Variants in MUC5B observed in about 807,000 individuals in gnomAD.
MUC5B encodes the protein mucin 5B, oligomeric mucus/gel-forming, also known as mucin-5B.
A neutral mutation model predicts 376.9 loss-of-function variants in MUC5B; 116 were observed. That is an observed-to-expected ratio of 0.31 (90% CI 0.26 to 0.36). The LOEUF (loss-of-function observed/expected upper bound fraction) is 0.36, where lower values mean the gene tolerates loss of function less well. Among genes scored for constraint, MUC5B ranks in the 10% least tolerant of loss-of-function variants. The pLI is 1.00. For synonymous variants in MUC5B, 3,517 were observed against 3,390.9 expected, an observed-to-expected ratio of 1.04 and a Z score of -1.29; for missense variants, 7,165 against 7,769.9, an observed-to-expected ratio of 0.92 and a Z score of 2.93.
chr11:1,242,569 C>T lies in MUC5B; in HGVS notation c.5689C>T (p.Pro1897Ser). Residue 1897 changes from proline to serine, a missense_variant, in exon 31 of 49, where the codon CCC becomes TCC. By Grantham distance (74) the Pro-to-Ser change is moderately conservative. Coordinates refer to ENST00000529681, the MANE Select transcript of MUC5B (RefSeq NM_002458.3). ...STPATSSTATPSSTPGTTWIL... is the reference protein window; with the variant it reads ...STPATSSTATSSSTPGTTWIL... ...CCCAGCCACCAGCTCCACGGCCACG[C>T]CCTCCTCAACTCCGGGGACGACCTG... 6.2e-7 allele frequency: 1 copy of T among 1,613,724 alleles called. No homozygotes were observed. Among genetic ancestry groups the T allele is most frequent in the Non-Finnish European group, 8.5e-7 (1 of 1,179,800 alleles).
Position 1,257,393 on chromosome 11 carries a change from G to C in MUC5B, c.16269+122G>C. 3 of 1,047,478 alleles carry C rather than the reference G, an allele frequency of 2.9e-6. No individual in the cohort carries two copies. The South Asian group carries it at 4.0e-5, about 14-fold the overall frequency. 64.9% of individuals were successfully genotyped at this position (1,047,478 alleles called of 1,614,324 possible). A position where few individuals can be genotyped will look rare whatever the true frequency, so the allele number is the denominator to read the frequency against. The stretch of plus-strand genomic sequence containing the variant: ...GCCCGAGTGTGACGTGGACGTGCCA[G>C]TGGCTGGTGTGCGCTTCCTGCCCCA... On this transcript the variant is annotated intron_variant, in intron 40 of 48. Coordinates refer to ENST00000529681, the MANE Select transcript of MUC5B (RefSeq NM_002458.3). This position sits in a 1 kb window ranked among gnomAD's most constrained non-coding sequence, Gnocchi z 8.9.
rs757927317 is a variant in MUC5B, at chr11:1,261,565, C to T, written c.17246C>T (p.Pro5749Leu). The T allele has an allele frequency of 3.1e-6, 5 of 1,608,526 alleles. No individual in the cohort carries two copies. The highest frequency in any genetic ancestry group is 2.2e-5 in the East Asian group (1 of 44,686). The part of the protein sequence containing the change: ...PFCVPAPMAP[P>L]HTRGFPAQEA... ...TGTGTCCCTGCGCCCATGGCTCCCC[C>T]ACACACCCGTGGCTTCCCGGCCCAG... Residue 5749 changes from proline to leucine, a missense_variant, in exon 49 of 49, where the codon CCA (proline) becomes CTA (leucine). Physicochemically the swap from Pro to Leu is moderately conservative, Grantham distance 98. Coordinates refer to ENST00000529681, the MANE Select transcript of MUC5B (RefSeq NM_002458.3).
chr11:1,261,908 G>T lies in MUC5B; in HGVS notation c.*300G>T. 1 of 631,876 alleles carries T rather than the reference G, an allele frequency of 1.6e-6. No homozygotes were observed. Among genetic ancestry groups the T allele is most frequent in the South Asian group, 1.5e-5 (1 of 66,042 alleles). 39.1% of individuals were successfully genotyped at this position (631,876 alleles called of 1,614,324 possible). ...CCTGGAACAAACTAAGCATGTGCGGGCCTATGTGTCCCTGCCACGGCCGGA... is the reference window on the plus strand; with the variant it reads ...CCTGGAACAAACTAAGCATGTGCGGTCCTATGTGTCCCTGCCACGGCCGGA... On this transcript the variant is annotated 3_prime_UTR_variant, in exon 49 of 49. Transcript: ENST00000529681.
chr11:1,246,750 CGGCTCTGTG>C lies in MUC5B; in HGVS notation c.9872_9880del (p.Gly3291_Val3293del). On this transcript the variant is annotated inframe_deletion, in exon 31 of 49. Transcript: ENST00000529681. ...CCACGACCACCACAACCAGGGCCAC[CGGCTCTGTG>C]GCCACCCCCTCCTCCACCCCAGGAA... 6.2e-7 allele frequency: 1 copy of C among 1,609,612 alleles called. No homozygotes were observed. The highest frequency in any genetic ancestry group is 1.1e-5 in the South Asian group (1 of 90,908).
chr11:1,241,449 T>A lies in MUC5B; in HGVS notation c.4569T>A (p.Leu1523=). 3 of 1,613,262 alleles carry A rather than the reference T, an allele frequency of 1.9e-6. No individual in the cohort carries two copies. Among genetic ancestry groups the A allele is most frequent in the Middle Eastern group, 1.7e-4 (1 of 6,060 alleles). The change falls in exon 31 of 49, where the codon CTT becomes CTA. Residue 1523 remains leucine (L), a synonymous_variant. Transcript: ENST00000529681. ...FDEDYPKSEQ[L]GGDVESYDKI... is the part of the protein sequence containing the mutation. Reference sequence around the variant, plus strand: ...AGGACTACCCCAAGTCTGAACAACTTGGAGGGGACGTTGAGTCCTACGATA... The same window carrying A: ...AGGACTACCCCAAGTCTGAACAACTAGGAGGGGACGTTGAGTCCTACGATA...
rs1175191320 is a variant in MUC5B, at chr11:1,249,768, C to T, written c.12888C>T (p.Ala4296=). ...CACCCACAGCCACCAGTTCCAAAGC[C>T]ACTTCCTCCTCCAGTCCAAGGACTG... is the stretch of plus-strand genomic sequence containing the variant. ...ATTPTATSSK[A]TSSSSPRTAT... is the part of the protein sequence containing the mutation. The change falls in exon 31 of 49, where the codon GCC becomes GCT. Residue 4296 remains alanine (A), a synonymous_variant. Coordinates refer to ENST00000529681, the MANE Select transcript of MUC5B (RefSeq NM_002458.3). The T allele has an allele frequency of 3.1e-6, 5 of 1,613,122 alleles. No individual in the cohort carries two copies. The highest frequency in any genetic ancestry group is 2.7e-5 in the African/African-American group (2 of 74,884).
In MUC5B at chr11:1,241,537, A is replaced by G; in HGVS notation, c.4657A>G (p.Ser1553Gly). ...TAAGGACATAGAGTGCCAGGCCGAG[A>G]GCTTCCCCAACTGGACCCTGGCACA... ...QPKDIECQAESFPNWTLAQVG... is the reference protein window; with the variant it reads ...QPKDIECQAEGFPNWTLAQVG... Residue 1553 changes from serine to glycine, a missense_variant, in exon 31 of 49, where the codon AGC becomes GGC. Physicochemically the swap from Ser to Gly is moderately conservative, Grantham distance 56. Coordinates refer to ENST00000529681, the MANE Select transcript of MUC5B (RefSeq NM_002458.3). 1 of 1,612,846 alleles carries G rather than the reference A, an allele frequency of 6.2e-7. No individual in the cohort carries two copies. Among genetic ancestry groups the G allele is most frequent in the Non-Finnish European group, 8.5e-7 (1 of 1,179,560 alleles).
chr11:1,251,467 T>C lies in MUC5B; in HGVS notation c.14587T>C (p.Ser4863Pro). The change falls in exon 31 of 49, where the codon TCC becomes CCC. Residue 4863 changes from serine (S) to proline (P), a missense_variant. By Grantham distance (74) the Ser-to-Pro change is moderately conservative (BLOSUM62 -1). Coordinates refer to ENST00000529681, the MANE Select transcript of MUC5B (RefSeq NM_002458.3). Reference protein sequence around the residue: ...TIATVMVPTGSTATASSTLGT... With the variant: ...TIATVMVPTGPTATASSTLGT... ...AGCCACCGTGATGGTGCCCACCGGT[T>C]CCACGGCCACCGCCTCCTCCACTCT... 1.2e-6 allele frequency: 2 copies of C among 1,612,126 alleles called. No individual in the cohort carries two copies. The highest frequency in any genetic ancestry group is 1.7e-6 in the Non-Finnish European group (2 of 1,179,058).
Position 1,245,278 on chromosome 11 carries a change from G to A in MUC5B, c.8398G>A (p.Gly2800Ser), listed in dbSNP as rs371403707. 6.0e-5 allele frequency: 95 copies of A among 1,591,314 alleles called. No homozygotes were observed. The highest frequency in any genetic ancestry group is 1.9e-4 in the African/African-American group (14 of 71,870). Residue 2800 changes from glycine to serine, a missense_variant, in exon 31 of 49, where the codon GGT (glycine) becomes AGT (serine). Physicochemically the swap from Gly to Ser is moderately conservative, Grantham distance 56. Coordinates refer to ENST00000529681, the MANE Select transcript of MUC5B (RefSeq NM_002458.3). ...TTCCCACACCCCAGCAGCAACCACC[G>A]GTACCACCCAGCACTCGACTCCAGC... ...GTSHTPAATT[G>S]TTQHSTPALS...
Position 1,252,603 on chromosome 11 carries a change from T to C in MUC5B, c.15045+79T>C, listed in dbSNP as rs2249073. ...GCTGGAGGCACAGCCACAGTCCAGC[T>C]CCCGAGGCCCGTCTCAGTGACCCCG... is the stretch of plus-strand genomic sequence containing the variant. On this transcript the variant is annotated intron_variant, in intron 32 of 48. Transcript: ENST00000529681. 0.51 allele frequency: 729,863 copies of C among 1,423,596 alleles called. 188,713 individuals are homozygous for C. Among genetic ancestry groups the C allele is most frequent in the East Asian group, 0.7 (28,121 of 39,988 alleles). 88.2% of individuals were successfully genotyped at this position (1,423,596 alleles called of 1,614,324 possible).
Position 1,246,835 on chromosome 11 carries a change from A to G in MUC5B, c.9955A>G (p.Thr3319Ala). 1 of 1,609,390 alleles carries G rather than the reference A, an allele frequency of 6.2e-7. No individual in the cohort carries two copies. The stretch of plus-strand genomic sequence containing the variant: ...TACCACAACCACGGGCTTCACAGCC[A>G]CCCCCTCCTCCAGCCCAGGGACGGC... ...PTTTTTGFTA[T>A]PSSSPGTALT... The change falls in exon 31 of 49, where the codon ACC (threonine) becomes GCC (alanine). Residue 3319 changes from threonine to alanine, a missense_variant. Thr to Ala is a moderately conservative substitution (Grantham distance 58). Coordinates refer to ENST00000529681, the MANE Select transcript of MUC5B (RefSeq NM_002458.3).
rs1862302407 is a variant in MUC5B, at chr11:1,242,157, G to C, written c.5277G>C (p.Glu1759Asp). 1 of 1,613,494 alleles carries C rather than the reference G, an allele frequency of 6.2e-7. No individual in the cohort carries two copies. Among genetic ancestry groups the C allele is most frequent in the Non-Finnish European group, 8.5e-7 (1 of 1,179,886 alleles). ...GCGAGCTGTCCACCTCTCAGGCCGA[G>C]ACCAGCACGCCCAGGACAGAGACGA... ...LTSELSTSQAETSTPRTETTM... is the reference protein window; with the variant it reads ...LTSELSTSQADTSTPRTETTM... Residue 1759 changes from glutamate to aspartate, a missense_variant, in exon 31 of 49, where the codon GAG (glutamate) becomes GAC (aspartate). Around this residue, in one of 31 missense-constraint regions of MUC5B, gnomAD observed 897 missense variants for 779.6 expected, o/e 1.15. Coordinates refer to ENST00000529681, the MANE Select transcript of MUC5B (RefSeq NM_002458.3).
In MUC5B at chr11:1,244,122, C is replaced by T. The variant is rs1862378960; in HGVS notation, c.7242C>T (p.Cys2414=). 4 of 1,611,020 alleles carry T rather than the reference C, an allele frequency of 2.5e-6. No individual in the cohort carries two copies. The African/African-American group carries it at 5.4e-5, about 22-fold the overall frequency. The part of the protein sequence containing the change: ...IRVFCCNYGH[C]PSTPATSSTA... Reference sequence around the variant, plus strand: ...TGTTCTGCTGCAACTACGGCCACTGCCCCAGCACCCCGGCCACCAGCTCTA... The same window carrying T: ...TGTTCTGCTGCAACTACGGCCACTGTCCCAGCACCCCGGCCACCAGCTCTA... Residue 2414 remains cysteine, a synonymous_variant, in exon 31 of 49, where the codon TGC becomes TGT. Coordinates refer to ENST00000529681, the MANE Select transcript of MUC5B (RefSeq NM_002458.3).
chr11:1,241,696 C>T lies in MUC5B; in HGVS notation c.4816C>T (p.Arg1606Cys), dbSNP rs775734730. ...CTGCAGTGACGACCACTGCAGGGGA[C>T]GTGCCACAACCCCGCCACCGACCAC... ...LCCSDDHCRG[R>C]ATTPPPTTEL... The change falls in exon 31 of 49, where the codon CGT becomes TGT. Residue 1606 changes from arginine to cysteine, a missense_variant. Arg to Cys is a radical substitution (Grantham distance 180, BLOSUM62 -3). Around this residue, in one of 31 missense-constraint regions of MUC5B, gnomAD observed 897 missense variants for 779.6 expected, o/e 1.15. Coordinates refer to ENST00000529681, the MANE Select transcript of MUC5B (RefSeq NM_002458.3). 101 of 1,612,070 alleles carry T rather than the reference C, an allele frequency of 6.3e-5. No individual in the cohort carries two copies. In the East Asian group the frequency reaches 1.7e-3, roughly 27 times the overall value.
intron 3 of MUC5B, 156 bp from the exon 4 acceptor site, chr11:1,226,459 G>T: frequency 1.5e-6 from 2 of 1,290,878 alleles, no homozygotes; most frequent in Admixed American, 2.0e-5. Context: ...AGGGGTCTTG[G>T]AGCAAAACAG....
Position 1,253,969 on chromosome 11 carries a change from G to C in MUC5B, c.15218-123G>C. On this transcript the variant is annotated intron_variant, in intron 33 of 48. Coordinates refer to ENST00000529681, the MANE Select transcript of MUC5B (RefSeq NM_002458.3). The surrounding 1 kb of genome is among the most constrained non-coding windows in gnomAD (Gnocchi z 4.3). ...CCATTTTTATAGACGAGGCAGCTGA[G>C]GCCCCAGGGGCTTCAGTGGCTCCCC... 1 of 1,356,128 alleles carries C rather than the reference G, an allele frequency of 7.4e-7. No individual in the cohort carries two copies. The highest frequency in any genetic ancestry group is 1.4e-5 in the African/African-American group (1 of 69,166). The allele number at this position is 1,356,128 out of a possible 1,614,324, so 84.0% of individuals were successfully genotyped here.
At chr11:1,230,833 G>C in intron 12 of MUC5B, 103 bp from the exon 13 acceptor site, 3 of 1,354,106 alleles carry the variant, frequency 2.2e-6, no homozygotes, top group Non-Finnish European at 3.1e-6. Flanking sequence ...CTTCTCTGTG[G>C]GCTCTGTCCC....
At chr11:1,225,564 G>A (rs557021270) in intron 1 of MUC5B, 117 bp from the exon 2 acceptor site, 257 of 898,190 alleles carry the variant, frequency 2.9e-4, no homozygotes, top group Non-Finnish European at 4.1e-4. Context: ...CATGGAGACC[G>A]CCACCAAGGA....
intron 48 of MUC5B, 26 bp from the exon 49 acceptor site, chr11:1,261,363 A>C (rs1485935671): frequency 6.5e-7 from 1 of 1,530,362 alleles, no homozygotes; most frequent in African/African-American, 1.4e-5. Flanking sequence ...AAGGTGGCTG[A>C]TGTGAGGGCC....
Sources: allele counts gnomAD v4.1 joint callset, GRCh38; gene constraint gnomAD v4.1.1; regional missense constraint gnomAD v4.1.1; non-coding constraint Gnocchi (gnomAD v3.1); transcripts MANE v1.5; gene names NCBI Gene and HGNC (gene_info 2026-07-23, HGNC 2026-07-21).